Variants in ATP13A4 observed in about 807,000 individuals in gnomAD.
ATP13A4 encodes ATPase 13A4, also known as probable cation-transporting ATPase 13A4.
In ATP13A4, 114 loss-of-function variants were observed where a neutral mutation model predicts 142.5. The observed-to-expected ratio is 0.80, with a 90% confidence interval of 0.69 to 0.93. The LOEUF is 0.93. Among genes scored for constraint, ATP13A4 ranks in the 40% least tolerant of loss-of-function variants. ATP13A4 has a pLI of 0.00. For synonymous variants in ATP13A4, 488 were observed against 514.8 expected (o/e 0.95, Z 0.70); for missense variants, 1,392 against 1,454.0 (o/e 0.96, Z 0.69).
chr3:193,506,371 T>C (rs1457325968), intron 2 of ATP13A4, among the ~76,000 whole-genome samples: 1 of 152,300 alleles, frequency 6.6e-6, no homozygotes, highest in African/African-American at 2.4e-5. Context: ...TTATCAAAAA[T>C]ATTAACCGGA....
intron 19 of ATP13A4, among the ~76,000 whole-genome samples, chr3:193,442,034 T>C (rs964588124): frequency 2.6e-5 from 4 of 152,170 alleles, no homozygotes; most frequent in Non-Finnish European, 4.4e-5. Flanking sequence ...CATAGTCTGA[T>C]TTTCTGATAC....
chr3:193,469,311 A>T (rs1440249513), intron 9 of ATP13A4, among the ~76,000 whole-genome samples: 1 of 152,208 alleles, frequency 6.6e-6, no homozygotes, highest in Non-Finnish European at 1.5e-5. Flanking sequence ...AATGGAACAG[A>T]CAGGACAATA....
intron 25 of ATP13A4, among the ~76,000 whole-genome samples, chr3:193,430,308 T>C (rs1277027257): frequency 2.0e-5 from 3 of 152,090 alleles, no homozygotes; most frequent in Non-Finnish European, 4.4e-5. Context: ...CTGTACGAGG[T>C]TGTTCTTTCA....
chr3:193,491,382 G>A lies in ATP13A4; in HGVS notation c.550C>T (p.Pro184Ser), dbSNP rs774078571. The A allele has an allele frequency of 6.3e-7, 1 of 1,596,416 alleles. No homozygotes were observed. Residue 184 changes from proline to serine, a missense_variant, in exon 6 of 30, where the codon CCT becomes TCT. By Grantham distance (74) the Pro-to-Ser change is moderately conservative. Transcript: ENST00000342695. ...GTAACTTCAACATCGATAGTATTAG[G>A]CCCACATATTAACCTCCTATAGAAA... is the stretch of plus-strand genomic sequence containing the variant. The part of the protein sequence containing the change: ...EQEIRRLICG[P>S]NTIDVEVTPI...
At chr3:193,588,572 A>G (rs979685882) in intron 1 of ATP13A4, among the ~76,000 whole-genome samples, 60 of 152,150 alleles carry the variant, frequency 3.9e-4, no homozygotes, top group African/African-American at 1.4e-3. Context: ...AAGGGCCCTC[A>G]CACTTGACTT....
intron 1 of ATP13A4, among the ~76,000 whole-genome samples, chr3:193,539,665 GCA>G (rs1722777085): frequency 6.6e-6 from 1 of 152,194 alleles, no homozygotes; most frequent in South Asian, 2.1e-4. Flanking sequence ...AGATGGGGTT[GCA>G]CATACCTGCT....
chr3:193,591,716 T>A (rs1724794455), intron 1 of ATP13A4, among the ~76,000 whole-genome samples: 1 of 152,216 alleles, frequency 6.6e-6, no homozygotes, highest in Admixed American at 6.5e-5. Context: ...ATAAAACATA[T>A]GATAACCATA....
chr3:193,563,257 G>C (rs981043552), intron 2 of ATP13A4, among the ~76,000 whole-genome samples: 3 of 152,160 alleles, frequency 2.0e-5, no homozygotes, highest in Non-Finnish European at 4.4e-5. Flanking sequence ...TGCTTGAAGA[G>C]TGTCAGCCCA....
At chr3:193,505,209 T>G (rs1720792642) in intron 2 of ATP13A4, among the ~76,000 whole-genome samples, 1 of 152,138 alleles carries the variant, frequency 6.6e-6, no homozygotes, top group East Asian at 1.9e-4. Context: ...AACTGACAAA[T>G]AGTATCCAGT....
chr3:193,452,984 C>T (rs1576978425), intron 17 of ATP13A4, among the ~76,000 whole-genome samples: 1 of 152,002 alleles, frequency 6.6e-6, no homozygotes, highest in South Asian at 2.1e-4. Context: ...GACTTGTTAA[C>T]CACTTCACAG....
chr3:193,439,204 T>A (rs1716478832), intron 21 of ATP13A4, 139 bp from the exon 22 acceptor site: 2 of 861,362 alleles, frequency 2.3e-6, no homozygotes, highest in Admixed American at 4.0e-5. Flanking sequence ...CTAGTTTGAC[T>A]GAAAAAAGTG....
intron 1 of ATP13A4, among the ~76,000 whole-genome samples, chr3:193,547,531 C>A (rs1215994895): frequency 1.3e-5 from 2 of 152,200 alleles, no homozygotes; most frequent in Non-Finnish European, 2.9e-5. Flanking sequence ...TTATAAAGTT[C>A]TTCAAAATCA....
intron 1 of ATP13A4, among the ~76,000 whole-genome samples, chr3:193,591,901 G>A (rs1724807010): frequency 6.6e-6 from 1 of 152,024 alleles, no homozygotes; most frequent in Non-Finnish European, 1.5e-5. Flanking sequence ...ACAATCCCAG[G>A]AAGATCTACA....
At chr3:193,500,386 ATAGTTCTTTGCTG>A (rs1720476331) in intron 3 of ATP13A4, among the ~76,000 whole-genome samples, 1 of 152,100 alleles carries the variant, frequency 6.6e-6, no homozygotes, top group Non-Finnish European at 1.5e-5. Context: ...CAAACCTGAC[ATAGTTCTTTGCTG>A]TAGTCTTCAG....
At chr3:193,548,104 T>C (rs114771531) in intron 1 of ATP13A4, among the ~76,000 whole-genome samples, 4,236 of 152,282 alleles carry the variant, frequency 0.028, 60 homozygotes, top group East Asian at 0.032. Context: ...GCTTTTGTTA[T>C]TCTTGGGGGA....
chr3:193,572,284 G>A (rs1022601896), intron 2 of ATP13A4, among the ~76,000 whole-genome samples: 1 of 152,192 alleles, frequency 6.6e-6, no homozygotes, highest in African/African-American at 2.4e-5. Context: ...TGGGGTATAT[G>A]GGAACTCTCT....
chr3:193,554,040 T>C (rs137918594), intron 1 of ATP13A4, among the ~76,000 whole-genome samples: 38 of 152,346 alleles, frequency 2.5e-4, no homozygotes, highest in East Asian at 1.7e-3. Context: ...CTTGATTATA[T>C]TGTAATTGAG....
chr3:193,452,790 T>TA (rs1461164678), intron 17 of ATP13A4, among the ~76,000 whole-genome samples: 6 of 70,042 alleles, frequency 8.6e-5, no homozygotes, highest in South Asian at 3.8e-4. Flanking sequence ...TTATTATATA[T>TA]ATAATATTAT....
chr3:193,475,810 T>A lies in ATP13A4; in HGVS notation c.809-4817A>T, dbSNP rs532527597. Among the ~76,000 whole-genome samples, 57 of 152,162 alleles carry A rather than the reference T, an allele frequency of 3.7e-4. 1 individual carries two copies. Among genetic ancestry groups the A allele is most frequent in the African/African-American group, 1.3e-3 (55 of 41,468 alleles). On this transcript the variant is annotated intron_variant, in intron 8 of 29. Coordinates refer to ENST00000342695, the MANE Select transcript of ATP13A4 (RefSeq NM_032279.4). ...GAACAATGTATAATTTGACTGTACA[T>A]TTCTAATGGGATGTTACAAACAGGA...
Sources: allele counts gnomAD v4.1 joint callset (sites outside exome capture counted in the v4.1 genomes callset), GRCh38; gene constraint gnomAD v4.1.1; transcripts MANE v1.5; gene names NCBI Gene and HGNC (gene_info 2026-07-23, HGNC 2026-07-21).